Variants in TOM1 observed in about 807,000 individuals in gnomAD.
TOM1 encodes the protein target of myb1 membrane trafficking protein.
Under a neutral mutation model 61.3 loss-of-function variants are expected in TOM1, and 38 were observed. The ratio of observed to expected loss-of-function variants is 0.62; its 90% CI spans 0.48 to 0.81. The LOEUF is 0.81. TOM1 is among the 40% of genes least tolerant of loss of function. TOM1 has a pLI of 0.00. For missense variants in TOM1, 591 were observed against 659.6 expected, an observed-to-expected ratio of 0.90 and a Z score of 1.14; for synonymous variants, 270 against 268.8, an observed-to-expected ratio of 1.00 and a Z score of -0.04.
At chr22:35,319,486 CA>C (rs1386954256) in intron 2 of TOM1, among the ~76,000 whole-genome samples, 1 of 152,206 alleles carries the variant, frequency 6.6e-6, no homozygotes, top group Non-Finnish European at 1.5e-5. Flanking sequence ...TACCGGACAT[CA>C]TGGGCCCACA....
intron 8 of TOM1, 42 bp downstream of exon 8, chr22:35,330,522 A>G (rs2145683153): frequency 1.9e-6 from 3 of 1,552,430 alleles, no homozygotes; most frequent in East Asian, 4.7e-5. Context: ...TACTGCCCCA[A>G]CCCTCTCCCT....
intron 1 of TOM1, among the ~76,000 whole-genome samples, chr22:35,302,705 C>T (rs936251867): frequency 6.6e-6 from 1 of 152,076 alleles, no homozygotes; most frequent in Non-Finnish European, 1.5e-5. Context: ...TTTACACTGG[C>T]GGAGACTAAG....
At chr22:35,320,987 G>GATAAAAAAAAAAAA (rs1927717818) in intron 2 of TOM1, among the ~76,000 whole-genome samples, 1 of 88,912 alleles carries the variant, frequency 1.1e-5, no homozygotes, top group Admixed American at 1.3e-4. Context: ...GTCTCAGAAG[G>GATAAAAAAAAAAAA]AAAAAAAAAA....
chr22:35,327,376 G>C lies in TOM1; in HGVS notation c.754G>C (p.Glu252Gln). ...VPTQAEPADL[E>Q]LLQELNRTCR... The stretch of plus-strand genomic sequence containing the variant: ...CACCCAGGCCGAGCCCGCAGACCTG[G>C]AGCTGCTGCAGGTGAGCAGGTGGCA... The change falls in exon 7 of 15, where the codon GAG (glutamate) becomes CAG (glutamine). Residue 252 changes from glutamate to glutamine, a missense_variant. Transcript: ENST00000449058. 5 of 1,612,318 alleles carry C rather than the reference G, an allele frequency of 3.1e-6. No homozygotes were observed. In the South Asian group the frequency reaches 4.4e-5, roughly 14 times the overall value.
chr22:35,322,071 C>A, intron 3 of TOM1, 34 bp downstream of exon 3: 1 of 1,598,672 alleles, frequency 6.3e-7, no homozygotes, highest in African/African-American at 1.3e-5. Context: ...TGTGGCAGGA[C>A]TACGGTCCAC....
In TOM1 at chr22:35,342,293, G is replaced by A. The variant is rs548996612; in HGVS notation, c.1225-3432G>A. 2.5e-3 allele frequency among the ~76,000 whole-genome samples: 388 copies of A among 152,212 alleles called. 1 individual carries two copies. Among genetic ancestry groups the A allele is most frequent in the Admixed American group, 6.8e-3 (104 of 15,308 alleles). ...TCACTCCCTGACATGCCTGCTGTGTGCCCTGTGCCATGTGCCAGGCCCCAT... is the reference window on the plus strand; with the variant it reads ...TCACTCCCTGACATGCCTGCTGTGTACCCTGTGCCATGTGCCAGGCCCCAT... On this transcript the variant is annotated intron_variant, in intron 12 of 14. Transcript: ENST00000449058.
intron 12 of TOM1, 94 bp from the exon 13 acceptor site, chr22:35,345,631 G>C (rs1930438082): frequency 7.6e-7 from 1 of 1,314,524 alleles, no homozygotes. Context: ...GGGGTGGGAG[G>C]CTGCCCAGGG....
intron 12 of TOM1, among the ~76,000 whole-genome samples, chr22:35,343,140 A>G (rs1253334579): frequency 1.6e-5 from 2 of 126,680 alleles, no homozygotes; most frequent in Non-Finnish European, 3.3e-5. Context: ...ACACACATCT[A>G]CACCCACCAC....
intron 11 of TOM1, among the ~76,000 whole-genome samples, chr22:35,337,314 C>T (rs55688205): frequency 0.02 from 3,090 of 152,290 alleles, 93 homozygotes; most frequent in African/African-American, 0.07. Context: ...GCCCACAATG[C>T]GCCAAGCATG....
intron 1 of TOM1, among the ~76,000 whole-genome samples, chr22:35,313,429 C>T (rs1927011025): frequency 6.6e-6 from 1 of 152,080 alleles, no homozygotes; most frequent in Admixed American, 6.6e-5. Context: ...TCTTTGGTGA[C>T]TACTCATTCT....
chr22:35,308,218 G>A (rs1469732973), intron 1 of TOM1, among the ~76,000 whole-genome samples: 1 of 151,292 alleles, frequency 6.6e-6, no homozygotes, highest in Admixed American at 6.6e-5. Flanking sequence ...TTTCTCCTGT[G>A]TGTGTGTGTG....
In TOM1 at chr22:35,321,179, ATC is replaced by A. The variant is rs942078004; in HGVS notation, c.138-776_138-775del. The stretch of plus-strand genomic sequence containing the variant: ...AGCCTGGGCAACATAGCAAGACCCC[ATC>A]TCTATTTTTGTAATGAAAACATTAT... On this transcript the variant is annotated intron_variant, in intron 2 of 14. Transcript: ENST00000449058. Among the ~76,000 whole-genome samples, 4 of 151,884 alleles carry A rather than the reference ATC, an allele frequency of 2.6e-5. No individual in the cohort carries two copies. The South Asian group carries it at 6.2e-4, about 24-fold the overall frequency.
intron 7 of TOM1, among the ~76,000 whole-genome samples, chr22:35,327,973 T>C (rs1162637323): frequency 3.3e-5 from 5 of 152,124 alleles, no homozygotes; most frequent in Non-Finnish European, 7.4e-5. Flanking sequence ...ACCCTCCCCA[T>C]GGAGGCCAGT....
At chr22:35,307,716 C>T (rs1276692442) in intron 1 of TOM1, among the ~76,000 whole-genome samples, 2 of 152,020 alleles carry the variant, frequency 1.3e-5, no homozygotes, top group Admixed American at 6.6e-5. Flanking sequence ...AAGGGAAGGA[C>T]GGAGCCAGGG....
chr22:35,299,670 C>G (rs947792065), upstream of TOM1: 147 of 493,000 alleles, frequency 3.0e-4, 2 homozygotes, highest in Middle Eastern at 5.4e-4. Flanking sequence ...AAGAGGACCG[C>G]GCTTCCCGGG....
intron 3 of TOM1, among the ~76,000 whole-genome samples, 194 bp from the exon 4 acceptor site, chr22:35,322,834 C>T (rs377589164): frequency 6.6e-6 from 1 of 152,174 alleles, no homozygotes; most frequent in Non-Finnish European, 1.5e-5. Context: ...CACCCTAGGC[C>T]GTGCCCTCCA....
At position 35,325,187 on chromosome 22, in the gene TOM1, G is replaced by T. The variant is rs923700402; in HGVS notation, c.648+1273G>T. Reference sequence around the variant, plus strand: ...CATCACATCCGCGGAGCGTAAAGGTGGAGCTGCTGAGTGTGCTGGTGAGTT... The same window carrying T: ...CATCACATCCGCGGAGCGTAAAGGTTGAGCTGCTGAGTGTGCTGGTGAGTT... On this transcript the variant is annotated intron_variant, in intron 6 of 14. Transcript: ENST00000449058. 2.0e-5 allele frequency among the ~76,000 whole-genome samples: 3 copies of T among 152,262 alleles called. No individual in the cohort carries two copies. The East Asian group carries it at 5.8e-4, about 29-fold the overall frequency.
At chr22:35,330,129 A>T (rs1928696783) in intron 7 of TOM1, among the ~76,000 whole-genome samples, 1 of 151,944 alleles carries the variant, frequency 6.6e-6, no homozygotes, top group Admixed American at 6.6e-5. Flanking sequence ...ACTACAAAAA[A>T]AAAAATTAGC....
At chr22:35,303,148 A>ACACACACACC (rs1327357289) in intron 1 of TOM1, among the ~76,000 whole-genome samples, 2 of 148,954 alleles carry the variant, frequency 1.3e-5, no homozygotes, top group Admixed American at 6.7e-5. Context: ...ACACACACAC[A>ACACACACACC]CCCCTTTGTG....
Sources: allele counts gnomAD v4.1 joint callset (sites outside exome capture counted in the v4.1 genomes callset), GRCh38; gene constraint gnomAD v4.1.1; transcripts MANE v1.5; gene names NCBI Gene and HGNC (gene_info 2026-07-23, HGNC 2026-07-21).